WWP1: variants seen among roughly 807,000 people sequenced by gnomAD.
WWP1 encodes NEDD4-like E3 ubiquitin-protein ligase WWP1.
A neutral mutation model predicts 130.6 loss-of-function variants in WWP1; 49 were observed. The observed-to-expected ratio is 0.38, with a 90% CI of 0.30 to 0.48. The LOEUF (loss-of-function observed/expected upper bound fraction) is 0.48, where lower values mean the gene tolerates loss of function less well. WWP1 is among the 20% of genes least tolerant of loss of function. The probability of loss-of-function intolerance (pLI) is 0.99; values close to 1 mark genes in which losing one functional copy is unlikely to be tolerated. For missense variants in WWP1, 809 were observed against 1,100.6 expected (o/e 0.74, Z 3.75); for synonymous variants, 332 against 367.8 (o/e 0.90, Z 1.11).
chr8:86,404,450 T>C (rs894859451), intron 8 of WWP1, among the ~76,000 whole-genome samples: 3 of 152,236 alleles, frequency 2.0e-5, no homozygotes, highest in Non-Finnish European at 4.4e-5. Flanking sequence ...TTTATACCTC[T>C]ACAGCTTGTC....
At chr8:86,390,725 A>C (rs1437686390) in intron 5 of WWP1, among the ~76,000 whole-genome samples, 2 of 83,646 alleles carry the variant, frequency 2.4e-5, no homozygotes, top group Non-Finnish European at 4.7e-5. Flanking sequence ...GGGGAGGGAG[A>C]GGGGGAGGGA....
chr8:86,405,969 A>G (rs922988945), intron 8 of WWP1, among the ~76,000 whole-genome samples: 2 of 152,220 alleles, frequency 1.3e-5, no homozygotes, highest in African/African-American at 4.8e-5. Context: ...ACATTATTAT[A>G]TATGAGGGCT....
At chr8:86,433,787 G>A (rs1025180845) in intron 14 of WWP1, among the ~76,000 whole-genome samples, 7 of 152,084 alleles carry the variant, frequency 4.6e-5, no homozygotes, top group African/African-American at 9.7e-5. Context: ...GCGTGATGGC[G>A]TGTGCCTGTA....
intron 14 of WWP1, among the ~76,000 whole-genome samples, chr8:86,432,575 T>C (rs1563528472): frequency 6.6e-6 from 1 of 151,800 alleles, no homozygotes; most frequent in African/African-American, 2.4e-5. Context: ...ATTACAACTC[T>C]TCCCTTTACC....
At chr8:86,438,528 G>C (rs755711382) in intron 16 of WWP1, 57 bp from the exon 17 acceptor site, 156 of 1,300,260 alleles carry the variant, frequency 1.2e-4, no homozygotes, top group Non-Finnish European at 1.2e-4. Flanking sequence ...AAATTGTTTT[G>C]AAAGGAACTT....
At chr8:86,351,633 TAAAC>T (rs1822929284) in intron 1 of WWP1, among the ~76,000 whole-genome samples, 1 of 150,974 alleles carries the variant, frequency 6.6e-6, no homozygotes, top group East Asian at 1.9e-4. Context: ...CCTGGCCAAA[TAAAC>T]AAAAAAAAAG....
chr8:86,423,952 CATAAG>C (rs1256292810), intron 9 of WWP1, among the ~76,000 whole-genome samples: 14 of 2,794 alleles, frequency 5.0e-3, no homozygotes, highest in Non-Finnish European at 0.011. Context: ...GGGCTGCCCC[CATAAG>C]CGCTAACTTA....
At position 86,430,729 on chromosome 8, in the gene WWP1, T is replaced by C; in HGVS notation, c.1365T>C (p.Tyr455=). ...ASMLAAENDP[Y]GPLPPGWEKR... is the part of the protein sequence containing the mutation. ...TGTTAGCTGCAGAAAATGACCCTTA[T>C]GGACCTTTGCCACCAGGCTGGGGTA... Residue 455 remains tyrosine, a synonymous_variant, in exon 12 of 25, where the codon TAT becomes TAC. Coordinates refer to ENST00000517970, the MANE Select transcript of WWP1 (RefSeq NM_007013.4). The C allele has an allele frequency of 3.2e-6, 5 of 1,573,984 alleles. No homozygotes were observed. The highest frequency in any genetic ancestry group is 8.6e-7 in the Non-Finnish European group (1 of 1,158,624).
At chr8:86,373,682 C>T (rs1421950285) in intron 2 of WWP1, among the ~76,000 whole-genome samples, 2 of 152,122 alleles carry the variant, frequency 1.3e-5, no homozygotes, top group Non-Finnish European at 2.9e-5. Flanking sequence ...CTAAAACATA[C>T]GTATATGCTT....
At position 86,435,312 on chromosome 8, in the gene WWP1, C is replaced by T. The variant is rs564806952; in HGVS notation, c.1602-140C>T. 21 of 797,112 alleles carry T rather than the reference C, an allele frequency of 2.6e-5. No homozygotes were observed. The African/African-American group carries it at 3.7e-4, about 14-fold the overall frequency. 49.4% of individuals were successfully genotyped at this position (797,112 alleles called of 1,614,324 possible). A position where few individuals can be genotyped will look rare whatever the true frequency, so the allele number is the denominator to read the frequency against. On this transcript the variant is annotated intron_variant, in intron 14 of 24. Coordinates refer to ENST00000517970, the MANE Select transcript of WWP1 (RefSeq NM_007013.4). ...CATTACTTGAGCTTCTTTTGGCCCA[C>T]CATGTATGTATACCCTTCTCTCCCA... is the stretch of plus-strand genomic sequence containing the variant.
At chr8:86,444,901 C>T (rs1563539926) in intron 18 of WWP1, among the ~76,000 whole-genome samples, 2 of 152,172 alleles carry the variant, frequency 1.3e-5, no homozygotes, top group East Asian at 1.9e-4. Context: ...TTTTGTGTTG[C>T]TGTAAGGGAA....
chr8:86,373,975 T>C, intron 2 of WWP1, 55 bp from the exon 3 acceptor site: 1 of 1,366,056 alleles, frequency 7.3e-7, no homozygotes, highest in Non-Finnish European at 1.0e-6. Flanking sequence ...TTTAATATCT[T>C]GAAAATTACA....
At chr8:86,368,219 A>C (rs1163440507) in intron 1 of WWP1, among the ~76,000 whole-genome samples, 2 of 152,218 alleles carry the variant, frequency 1.3e-5, no homozygotes, top group African/African-American at 2.4e-5. Context: ...AACATGAGAT[A>C]GATGACTTTG....
chr8:86,364,858 AAAG>A (rs1336176025), intron 1 of WWP1, among the ~76,000 whole-genome samples: 1 of 151,770 alleles, frequency 6.6e-6, no homozygotes, highest in Non-Finnish European at 1.5e-5. Context: ...AGAGAGAGAG[AAAG>A]AAGAAAGAGA....
In WWP1 at chr8:86,431,740, C is replaced by T. The variant is rs777758049; in HGVS notation, c.1598C>T (p.Ser533Phe). ...TFKDPRNGKS[S>F]VTKGGPQIAY... ...AAAGATCCTCGCAATGGGAAGTCATCTGTGTGAGTGAAAACCTGAAGTTCT... is the reference window on the plus strand; with the variant it reads ...AAAGATCCTCGCAATGGGAAGTCATTTGTGTGAGTGAAAACCTGAAGTTCT... Residue 533 changes from serine to phenylalanine, a missense_variant, in exon 14 of 25, where the codon TCT (serine) becomes TTT (phenylalanine). This residue lies in a region of WWP1 where 450 missense variants were observed against 674.2 expected (regional missense o/e 0.67). Coordinates refer to ENST00000517970, the MANE Select transcript of WWP1 (RefSeq NM_007013.4). 2 of 1,613,644 alleles carry T rather than the reference C, an allele frequency of 1.2e-6. No individual in the cohort carries two copies. The highest frequency in any genetic ancestry group is 4.5e-5 in the East Asian group (2 of 44,870).
chr8:86,466,138 C>T (rs1380133966), intron 24 of WWP1, among the ~76,000 whole-genome samples: 1 of 152,078 alleles, frequency 6.6e-6, no homozygotes, highest in Non-Finnish European at 1.5e-5. Flanking sequence ...CCTCACAAAA[C>T]GAAATGTTAT....
chr8:86,377,936 A>G (rs1417458674), intron 3 of WWP1, among the ~76,000 whole-genome samples: 1 of 152,136 alleles, frequency 6.6e-6, no homozygotes, highest in Admixed American at 6.5e-5. Flanking sequence ...TATAGACTTC[A>G]TTCTTTTCAA....
chr8:86,394,566 G>A (rs1454300755), intron 5 of WWP1, among the ~76,000 whole-genome samples: 1 of 152,162 alleles, frequency 6.6e-6, no homozygotes, highest in East Asian at 1.9e-4. Flanking sequence ...CAAAGCAGTG[G>A]TAAGGAGGTC....
intron 16 of WWP1, among the ~76,000 whole-genome samples, chr8:86,437,560 A>T (rs1373810746): frequency 1.3e-5 from 2 of 152,276 alleles, no homozygotes; most frequent in Middle Eastern, 3.4e-3. Flanking sequence ...CTTGTCATTA[A>T]CCCAAAATAG....
Sources: allele counts gnomAD v4.1 joint callset (sites outside exome capture counted in the v4.1 genomes callset), GRCh38; gene constraint gnomAD v4.1.1; regional missense constraint gnomAD v4.1.1; transcripts MANE v1.5; gene names NCBI Gene and HGNC (gene_info 2026-07-23, HGNC 2026-07-21).